Variants in INO80D observed in about 807,000 individuals in gnomAD.
INO80D encodes the protein INO80 complex subunit D.
Under a neutral mutation model 87.6 loss-of-function variants are expected in INO80D, and 21 were observed. The observed-to-expected ratio is 0.24, with a 90% CI of 0.17 to 0.35. The LOEUF (loss-of-function observed/expected upper bound fraction) is 0.35, where lower values mean the gene tolerates loss of function less well. INO80D is among the 10% of genes least tolerant of loss of function. The pLI is 1.00. For synonymous variants in INO80D, 440 were observed against 491.0 expected (o/e 0.90, Z 1.37); for missense variants, 982 against 1,280.7 (o/e 0.77, Z 3.56).
rs1473039895 is a variant in INO80D at position 206,056,575 on chromosome 2, G to T, written c.587C>A (p.Pro196His). The change falls in exon 4 of 11, where the codon CCC (proline) becomes CAC (histidine). Residue 196 changes from proline (P) to histidine (H), a missense_variant. Transcript: ENST00000403263. ...CTGCTGCTGTGAAGGTGCAGGAGGG[G>T]GACTAAAGTGCTCTTGTCGAACTTT... ...ILKVRQEHFS[P>H]PPAPSQQQPP... 1.2e-6 allele frequency: 2 copies of T among 1,611,974 alleles called. No homozygotes were observed. Among genetic ancestry groups the T allele is most frequent in the Middle Eastern group, 1.7e-4 (1 of 6,060 alleles).
Position 206,009,615 on chromosome 2 carries a change from G to A in INO80D, c.1722C>T (p.Pro574=), listed in dbSNP as rs817991. 601,107 of 1,613,216 alleles carry A rather than the reference G, an allele frequency of 0.37. 116,425 individuals are homozygous for A. Among genetic ancestry groups the A allele is most frequent in the South Asian group, 0.58 (52,509 of 91,028 alleles). Reference sequence around the variant, plus strand: ...CCTCCACTGGCAGTGAGACGCTGGCGGGCATGCTGAGGTTCCCTTGGGGGA... The same window carrying A: ...CCTCCACTGGCAGTGAGACGCTGGCAGGCATGCTGAGGTTCCCTTGGGGGA... The part of the protein sequence containing the change: ...PAVPQGNLSM[P]ASVSLPVEAS... Residue 574 remains proline (P), a synonymous_variant, in exon 9 of 11, where the codon CCC becomes CCT. Coordinates refer to ENST00000403263, the MANE Select transcript of INO80D (RefSeq NM_017759.5).
chr2:206,075,438 A>T (rs998782054), intron 1 of INO80D, among the ~76,000 whole-genome samples: 6 of 144,474 alleles, frequency 4.2e-5, no homozygotes, highest in Non-Finnish European at 9.1e-5. Flanking sequence ...ATACCTTATA[A>T]TTTTTTTTTT....
chr2:206,029,910 C>G (rs1371515449), intron 5 of INO80D, among the ~76,000 whole-genome samples: 1 of 152,170 alleles, frequency 6.6e-6, no homozygotes, highest in Non-Finnish European at 1.5e-5. Context: ...GCCAATGATT[C>G]AAATATCTGA....
Position 205,996,118 on chromosome 2 carries a change from GCTTT to G in INO80D, c.*8246_*8249del, listed in dbSNP as rs1376020502. ...TCAAATTTGTTTTATTTGAAGGTTG[GCTTT>G]CTGTTTGTTTTTGAGACAAAGATGA... On this transcript the variant is annotated 3_prime_UTR_variant, in exon 11 of 11. Transcript: ENST00000403263. 1.3e-5 allele frequency: 2 copies of G among 151,992 alleles called. No individual in the cohort carries two copies. Among genetic ancestry groups the G allele is most frequent in the African/African-American group, 4.8e-5 (2 of 41,402 alleles). 9.4% of individuals were successfully genotyped at this position (151,992 alleles called of 1,614,324 possible). A position where few individuals can be genotyped will look rare whatever the true frequency, so the allele number is the denominator to read the frequency against.
intron 5 of INO80D, among the ~76,000 whole-genome samples, chr2:206,046,261 G>A (rs1230511140): frequency 6.6e-6 from 1 of 152,162 alleles, no homozygotes; most frequent in African/African-American, 2.4e-5. Context: ...CTAGGGCCGG[G>A]CGTGGTAGCT....
rs1421066319 is a variant in INO80D, at chr2:206,003,989, AT to A, written c.*378del. 8.5e-6 allele frequency: 2 copies of A among 234,578 alleles called. No individual in the cohort carries two copies. The highest frequency in any genetic ancestry group is 8.5e-6 in the Non-Finnish European group (1 of 118,010). 14.5% of individuals were successfully genotyped at this position (234,578 alleles called of 1,614,324 possible). On this transcript the variant is annotated 3_prime_UTR_variant, in exon 11 of 11. Coordinates refer to ENST00000403263, the MANE Select transcript of INO80D (RefSeq NM_017759.5). ...AAGATCATTCTATCTAGAACCACCT[AT>A]GTAAAAACCTGGCAACAGAATGGAA...
chr2:206,004,780 C>A lies in INO80D; in HGVS notation c.2672G>T (p.Gly891Val). ...GTCTCCAAGGTTGACAGGGAGATTG[C>A]CCCAGTGAGTTCTGGGGTTTACCAC... ...GGVVNPRTHWGNLPVNLGDPS... is the reference protein window; with the variant it reads ...GGVVNPRTHWVNLPVNLGDPS... The change falls in exon 11 of 11, where the codon GGC becomes GTC. Residue 891 changes from glycine (G) to valine (V), a missense_variant. Gly to Val is a moderately radical substitution (Grantham distance 109). Coordinates refer to ENST00000403263, the MANE Select transcript of INO80D (RefSeq NM_017759.5). The surrounding 1 kb of genome is among the most constrained non-coding windows in gnomAD (Gnocchi z 4.9). 1 of 1,613,924 alleles carries A rather than the reference C, an allele frequency of 6.2e-7. No homozygotes were observed. Among genetic ancestry groups the A allele is most frequent in the Non-Finnish European group, 8.5e-7 (1 of 1,179,868 alleles).
chr2:206,017,664 C>G lies in INO80D; in HGVS notation c.1542+16G>C. 6.5e-7 allele frequency: 1 copy of G among 1,549,092 alleles called. No individual in the cohort carries two copies. Among genetic ancestry groups the G allele is most frequent in the Non-Finnish European group, 8.7e-7 (1 of 1,151,026 alleles). ...ATAGCTACAAAAAGTTTGAAAGCCTCTGTTGCAGAACTTACCATTTTTTTG... is the reference window on the plus strand; with the variant it reads ...ATAGCTACAAAAAGTTTGAAAGCCTGTGTTGCAGAACTTACCATTTTTTTG... On this transcript the variant is annotated intron_variant, in intron 8 of 10. Coordinates refer to ENST00000403263, the MANE Select transcript of INO80D (RefSeq NM_017759.5).
At chr2:206,016,145 T>G (rs534849021) in intron 8 of INO80D, among the ~76,000 whole-genome samples, 1 of 150,956 alleles carries the variant, frequency 6.6e-6, no homozygotes, top group Non-Finnish European at 1.5e-5. Context: ...TGCCAGCCCA[T>G]GAAAACAGCC....
At position 205,999,017 on chromosome 2, in the gene INO80D, G is replaced by A. The variant is rs1243613236; in HGVS notation, c.*5351C>T. 2 of 152,272 alleles carry A rather than the reference G, an allele frequency of 1.3e-5. No homozygotes were observed. The highest frequency in any genetic ancestry group is 2.4e-5 in the African/African-American group (1 of 41,532). 9.4% of individuals were successfully genotyped at this position (152,272 alleles called of 1,614,324 possible). A position where few individuals can be genotyped will look rare whatever the true frequency, so the allele number is the denominator to read the frequency against. Reference sequence around the variant, plus strand: ...CCACTGGAGCCAACTGTACCTTAATGATGCAGGTTGGAGTCATTTTAGGGC... The same window carrying A: ...CCACTGGAGCCAACTGTACCTTAATAATGCAGGTTGGAGTCATTTTAGGGC... On this transcript the variant is annotated 3_prime_UTR_variant, in exon 11 of 11. Transcript: ENST00000403263.
rs114039927 is a variant in INO80D at position 206,060,017 on chromosome 2, A to C, written c.218+2782T>G. 5.7e-3 allele frequency among the ~76,000 whole-genome samples: 864 copies of C among 152,262 alleles called. 12 individuals are homozygous for C. Among genetic ancestry groups the C allele is most frequent in the African/African-American group, 0.02 (826 of 41,534 alleles). The stretch of plus-strand genomic sequence containing the variant: ...CCTGGAGTTCGAAACAAGCCTGGGC[A>C]ACCTAGTAAGGATCCATCTCCACAA... On this transcript the variant is annotated intron_variant, in intron 3 of 10. Coordinates refer to ENST00000403263, the MANE Select transcript of INO80D (RefSeq NM_017759.5).
intron 1 of INO80D, 137 bp from the exon 2 acceptor site, chr2:206,063,381 TA>T (rs1336442462): frequency 5.4e-6 from 2 of 373,674 alleles, no homozygotes; most frequent in Non-Finnish European, 9.4e-6. Context: ...ATAACGAGGT[TA>T]AATAAGAAAA....
rs1019056601 is a variant in INO80D at position 206,085,319 on chromosome 2, C to T, written c.-124+582G>A. Among the ~76,000 whole-genome samples, 2 of 151,826 alleles carry T rather than the reference C, an allele frequency of 1.3e-5. No individual in the cohort carries two copies. Among genetic ancestry groups the T allele is most frequent in the African/African-American group, 4.8e-5 (2 of 41,456 alleles). ...GGGGATAAATAAATTCAACTCTTACCGGAATCTGGGGGCCGTCTGCGAGAG... is the reference window on the plus strand; with the variant it reads ...GGGGATAAATAAATTCAACTCTTACTGGAATCTGGGGGCCGTCTGCGAGAG... On this transcript the variant is annotated intron_variant, in intron 1 of 10. Transcript: ENST00000403263. This position sits in a 1 kb window ranked among gnomAD's most constrained non-coding sequence, Gnocchi z 4.5.
intron 7 of INO80D, among the ~76,000 whole-genome samples, chr2:206,018,778 T>G (rs1203324676): frequency 6.6e-6 from 1 of 152,106 alleles, no homozygotes; most frequent in Non-Finnish European, 1.5e-5. Flanking sequence ...GGTGCATGCC[T>G]GTAGTCCCAG....
At chr2:206,026,729 T>G (rs1398435601) in intron 6 of INO80D, among the ~76,000 whole-genome samples, 1 of 150,956 alleles carries the variant, frequency 6.6e-6, no homozygotes, top group African/African-American at 2.4e-5. Flanking sequence ...CTTTGTATTT[T>G]TTAAAAATTT....
At chr2:206,060,265 G>A (rs746548918) in intron 3 of INO80D, among the ~76,000 whole-genome samples, 1 of 152,084 alleles carries the variant, frequency 6.6e-6, no homozygotes, top group Non-Finnish European at 1.5e-5. Context: ...GGGCGCAGTG[G>A]AGCATGCCTG....
intron 5 of INO80D, 82 bp from the exon 6 acceptor site, chr2:206,028,417 T>C (rs1688675093): frequency 3.6e-6 from 4 of 1,098,536 alleles, no homozygotes; most frequent in East Asian, 2.4e-5. Context: ...TTAGGAAATG[T>C]AGCTGAATGC....
At chr2:206,017,656 G>T in intron 8 of INO80D, 24 bp downstream of exon 8, 1 of 1,531,756 alleles carries the variant, frequency 6.5e-7, no homozygotes. Flanking sequence ...CAAAAAGTTT[G>T]AAAGCCTCTG....
Position 206,048,098 on chromosome 2 carries a change from A to G in INO80D, c.965-1486T>C, listed in dbSNP as rs1026422379. Among the ~76,000 whole-genome samples the G allele has an allele frequency of 7.9e-5, 12 of 151,334 alleles. No individual in the cohort carries two copies. In the East Asian group the frequency reaches 9.7e-4, roughly 12 times the overall value. ...TCTCGATCTCCTGACCTTGTGATCC[A>G]CCCGCCTTGGCCTCCCAAAGTGCTG... On this transcript the variant is annotated intron_variant, in intron 4 of 10. Transcript: ENST00000403263.
Sources: gnomAD v4.1 joint callset for allele counts (sites outside exome capture counted in the v4.1 genomes callset) on GRCh38, gnomAD v4.1.1 for gene constraint, Gnocchi (gnomAD v3.1) non-coding constraint, MANE v1.5 for transcripts, NCBI Gene and HGNC (gene_info 2026-07-23, HGNC 2026-07-21) for gene names.